Variants in TBCK observed in about 807,000 individuals in gnomAD.
TBCK encodes TBC domain-containing protein kinase-like protein.
Under a neutral mutation model 113.4 loss-of-function variants are expected in TBCK, and 99 were observed. The ratio of observed to expected loss-of-function variants is 0.87; its 90% CI spans 0.74 to 1.03. The LOEUF (loss-of-function observed/expected upper bound fraction) is 1.03, where lower values mean the gene tolerates loss of function less well. TBCK is among the 50% of genes least tolerant of loss of function. The probability of loss-of-function intolerance (pLI) is 0.00; values close to 1 mark genes in which losing one functional copy is unlikely to be tolerated. For missense variants in TBCK, 1,045 were observed against 1,061.3 expected (o/e 0.98, Z 0.21); for synonymous variants, 369 against 370.8 (o/e 1.00, Z 0.05).
At chr4:106,307,225 T>G (rs1453805988) in intron 2 of TBCK, among the ~76,000 whole-genome samples, 1 of 152,346 alleles carries the variant, frequency 6.6e-6, no homozygotes, top group Middle Eastern at 3.4e-3. Flanking sequence ...TTCCTTCGTG[T>G]GCCCTTGGAT....
intron 25 of TBCK, among the ~76,000 whole-genome samples, chr4:106,090,717 T>C (rs567325730): frequency 1.4e-4 from 21 of 152,270 alleles, no homozygotes; most frequent in African/African-American, 4.6e-4. Context: ...GTCATCATAA[T>C]TAAGTTTAAA....
At chr4:106,240,693 A>G (rs960281472) in intron 12 of TBCK, among the ~76,000 whole-genome samples, 10 of 152,044 alleles carry the variant, frequency 6.6e-5, no homozygotes, top group Non-Finnish European at 1.2e-4. Context: ...ACATTTTACT[A>G]TATGAAAATT....
chr4:106,311,518 T>C (rs181378550), intron 1 of TBCK, among the ~76,000 whole-genome samples: 31 of 152,242 alleles, frequency 2.0e-4, no homozygotes, highest in Admixed American at 8.5e-4. Flanking sequence ...TCTGGAATAC[T>C]TATATCTATT....
intron 25 of TBCK, among the ~76,000 whole-genome samples, chr4:106,055,524 T>C (rs1384072804): frequency 6.7e-6 from 1 of 149,968 alleles, no homozygotes; most frequent in African/African-American, 2.4e-5. Context: ...TGCAACTTCA[T>C]AGTTTGGTTT....
chr4:106,230,492 G>A (rs1423872267), intron 18 of TBCK, 46 bp from the exon 19 acceptor site: 1 of 1,188,728 alleles, frequency 8.4e-7, no homozygotes, highest in Non-Finnish European at 1.2e-6. Context: ...AGTTAACAGG[G>A]TAGATGACCA....
rs374227385 is a variant in TBCK, at chr4:106,109,142, T to C, written c.2411+7061A>G. On this transcript the variant is annotated intron_variant, in intron 24 of 25. Transcript: ENST00000394708. ...AGAAATCAGAGAAGACACAAACAAA[T>C]GGAAAGACATCCCATGCTATGGATC... is the stretch of plus-strand genomic sequence containing the variant. Among the ~76,000 whole-genome samples the C allele has an allele frequency of 1.7e-4, 26 of 151,562 alleles. No individual in the cohort carries two copies. In the East Asian group the frequency reaches 1.9e-3, roughly 11 times the overall value.
chr4:106,283,402 T>C (rs926041762), intron 3 of TBCK, among the ~76,000 whole-genome samples: 1 of 152,108 alleles, frequency 6.6e-6, no homozygotes, highest in Non-Finnish European at 1.5e-5. Context: ...CAGTATAATA[T>C]AGGCATTTGG....
intron 24 of TBCK, among the ~76,000 whole-genome samples, chr4:106,096,986 C>G (rs1192464324): frequency 6.6e-6 from 1 of 152,026 alleles, no homozygotes; most frequent in African/African-American, 2.4e-5. Flanking sequence ...ATAACCATAC[C>G]TAGTAACTAT....
chr4:106,106,959 T>TA (rs1742237935), intron 24 of TBCK, among the ~76,000 whole-genome samples: 2 of 149,958 alleles, frequency 1.3e-5, no homozygotes, highest in East Asian at 2.0e-4. Context: ...ACCAAAAAAA[T>TA]AAAAAACAGA....
intron 22 of TBCK, among the ~76,000 whole-genome samples, chr4:106,188,862 C>T (rs949616022): frequency 3.9e-5 from 6 of 152,142 alleles, no homozygotes; most frequent in African/African-American, 1.4e-4. Context: ...TTCCTAGAAT[C>T]ACGTTACAAT....
chr4:106,140,627 T>C (rs1333408119), intron 23 of TBCK, among the ~76,000 whole-genome samples: 2 of 141,134 alleles, frequency 1.4e-5, no homozygotes, highest in African/African-American at 5.0e-5. Flanking sequence ...GTACAAATAA[T>C]GTCTTAGTTT....
chr4:106,294,459 T>G (rs1323195283), intron 3 of TBCK, among the ~76,000 whole-genome samples: 3 of 151,516 alleles, frequency 2.0e-5, no homozygotes, highest in Non-Finnish European at 4.4e-5. Flanking sequence ...AGCCCCACTC[T>G]TATACTAAAA....
chr4:106,079,406 T>C (rs1158309918), intron 25 of TBCK, among the ~76,000 whole-genome samples: 3 of 152,210 alleles, frequency 2.0e-5, no homozygotes, highest in African/African-American at 7.2e-5. Flanking sequence ...GATGATATGA[T>C]TGTATACCTA....
intron 20 of TBCK, among the ~76,000 whole-genome samples, chr4:106,196,309 G>A (rs1000589369): frequency 6.6e-6 from 1 of 151,726 alleles, no homozygotes; most frequent in Non-Finnish European, 1.5e-5. Context: ...AATCTCCTTT[G>A]TCAATAGCAA....
chr4:106,308,921 A>C lies in TBCK; in HGVS notation c.40T>G (p.Phe14Val). 6.2e-7 allele frequency: 1 copy of C among 1,614,136 alleles called. No homozygotes were observed. ...LKDAEMGAFT[F>V]FASALPHDVC... ...TCATGTGGCAGAGCCGAGGCAAAGA[A>C]GGTAAAGGCTCCCATTTCAGCGTCC... Residue 14 changes from phenylalanine to valine, a missense_variant, in exon 2 of 26, where the codon TTC becomes GTC. Phe to Val is a conservative substitution (Grantham distance 50, BLOSUM62 -1). Transcript: ENST00000394708.
At chr4:106,241,791 A>G (rs1760173129) in intron 12 of TBCK, among the ~76,000 whole-genome samples, 1 of 152,014 alleles carries the variant, frequency 6.6e-6, no homozygotes, top group Non-Finnish European at 1.5e-5. Flanking sequence ...GGAAATATAT[A>G]AAAACATTAT....
chr4:106,288,728 T>C (rs866659518), intron 3 of TBCK, among the ~76,000 whole-genome samples: 16 of 152,262 alleles, frequency 1.1e-4, no homozygotes, highest in African/African-American at 1.7e-4. Context: ...TTTTTCATTG[T>C]TGATTAACAG....
intron 23 of TBCK, among the ~76,000 whole-genome samples, chr4:106,124,565 G>A (rs767678121): frequency 9.6e-4 from 146 of 152,066 alleles, no homozygotes; most frequent in Non-Finnish European, 1.9e-3. Flanking sequence ...TGTTTATTGC[G>A]GCATTATTCA....
chr4:106,297,384 A>C (rs1057437309), intron 2 of TBCK, among the ~76,000 whole-genome samples: 1 of 152,182 alleles, frequency 6.6e-6, no homozygotes, highest in East Asian at 1.9e-4. Context: ...ACTAAACAGT[A>C]ATCTCCCCTT....
Sources: allele counts gnomAD v4.1 joint callset (sites outside exome capture counted in the v4.1 genomes callset), GRCh38; gene constraint gnomAD v4.1.1; transcripts MANE v1.5; gene names NCBI Gene and HGNC (gene_info 2026-07-23, HGNC 2026-07-21).